The following ATXN1 variants were observed in gnomAD, a reference collection of about 807,000 sequenced individuals.
ATXN1 encodes ataxin 1.
Under a neutral mutation model 56.4 loss-of-function variants are expected in ATXN1, and 8 were observed. The ratio of observed to expected loss-of-function variants is 0.14; its 90% CI spans 0.08 to 0.26. ATXN1 has a LOEUF of 0.26. Ranked by LOEUF, ATXN1 falls within the 10% of genes least tolerant of loss-of-function variation. ATXN1 has a pLI of 1.00. For missense variants in ATXN1, 987 were observed against 1,106.5 expected (o/e 0.89, Z 1.53); for synonymous variants, 514 against 494.6 (o/e 1.04, Z -0.52).
chr6:16,745,442 T>C (rs1288719204), intron 2 of ATXN1, among the ~76,000 whole-genome samples: 1 of 152,188 alleles, frequency 6.6e-6, no homozygotes, highest in Non-Finnish European at 1.5e-5. Flanking sequence ...TTACTAAGAA[T>C]GTTTATGCTA....
chr6:16,327,597 G>T lies in ATXN1; in HGVS notation c.714C>A (p.Ser238=), dbSNP rs571270274. The change falls in exon 7 of 8, where the codon TCC becomes TCA. Residue 238 remains serine (S), a synonymous_variant. Coordinates refer to ENST00000436367, the MANE Select transcript of ATXN1 (RefSeq NM_001128164.2). ...ACTGGTTCTGCTGGGCTGGTGGGGGGGACCCCGGGGTGATGAGCCCCGGAG... is the reference window on the plus strand; with the variant it reads ...ACTGGTTCTGCTGGGCTGGTGGGGGTGACCCCGGGGTGATGAGCCCCGGAG... ...SRAPGLITPG[S]PPPAQQNQYV... The T allele has an allele frequency of 4.4e-6, 7 of 1,593,670 alleles. No individual in the cohort carries two copies. The highest frequency in any genetic ancestry group is 6.0e-6 in the Non-Finnish European group (7 of 1,171,078).
intron 3 of ATXN1, among the ~76,000 whole-genome samples, chr6:16,636,106 C>T (rs1284806494): frequency 2.2e-4 from 34 of 152,172 alleles, no homozygotes; most frequent in Non-Finnish European, 5.9e-5. Flanking sequence ...ACCTGCCTCC[C>T]TTACATCATT....
intron 2 of ATXN1, among the ~76,000 whole-genome samples, chr6:16,674,336 CTTTTTTTTTTTTT>C (rs869081370): frequency 1.0e-4 from 8 of 78,114 alleles, no homozygotes; most frequent in South Asian, 4.8e-4. Context: ...AGAGAACTTT[CTTTTTTTTTTTTT>C]TTTTTTTTTT....
intron 6 of ATXN1, among the ~76,000 whole-genome samples, chr6:16,365,865 T>G (rs573143610): frequency 2.4e-4 from 36 of 152,370 alleles, no homozygotes; most frequent in African/African-American, 8.2e-4. Flanking sequence ...TGTCTACATC[T>G]ATATATTAAT....
intron 6 of ATXN1, among the ~76,000 whole-genome samples, chr6:16,446,877 G>A (rs1031133450): frequency 1.3e-5 from 2 of 152,224 alleles, no homozygotes; most frequent in Non-Finnish European, 2.9e-5. Context: ...TAACATGGAT[G>A]AAGCTACAGA....
intron 6 of ATXN1, among the ~76,000 whole-genome samples, chr6:16,431,368 T>A (rs1053069700): frequency 4.6e-5 from 7 of 152,318 alleles, no homozygotes; most frequent in African/African-American, 1.7e-4. Flanking sequence ...ATTTTTAAAC[T>A]CGAGTGCAGA....
intron 6 of ATXN1, among the ~76,000 whole-genome samples, chr6:16,331,711 G>T (rs1760997410): frequency 6.6e-6 from 1 of 152,202 alleles, no homozygotes. Flanking sequence ...CAAGTAAAAT[G>T]TCAAACACAT....
chr6:16,323,241 C>CT (rs760196384), intron 7 of ATXN1, among the ~76,000 whole-genome samples: 2 of 152,152 alleles, frequency 1.3e-5, no homozygotes, highest in African/African-American at 2.4e-5. Context: ...CTGTAAGGGG[C>CT]TGGGCGCAGT....
At chr6:16,371,313 A>ATTT (rs59728940) in intron 6 of ATXN1, among the ~76,000 whole-genome samples, 15 of 144,008 alleles carry the variant, frequency 1.0e-4, no homozygotes, top group African/African-American at 3.8e-4. Flanking sequence ...TGTAGTTACA[A>ATTT]TTTTTTTTTT....
chr6:16,352,129 G>A (rs963799901), intron 6 of ATXN1, among the ~76,000 whole-genome samples: 10 of 152,026 alleles, frequency 6.6e-5, no homozygotes, highest in African/African-American at 2.2e-4. Context: ...CTATAGTTTC[G>A]CGAATAATAT....
At chr6:16,505,523 A>T (rs1419294941) in intron 5 of ATXN1, among the ~76,000 whole-genome samples, 3 of 152,208 alleles carry the variant, frequency 2.0e-5, no homozygotes, top group African/African-American at 7.2e-5. Context: ...ACTAAAATAG[A>T]AAGTTAAATA....
intron 4 of ATXN1, among the ~76,000 whole-genome samples, chr6:16,553,070 G>A (rs935263279): frequency 1.1e-4 from 16 of 152,232 alleles, no homozygotes; most frequent in Non-Finnish European, 1.8e-4. Flanking sequence ...TTCAGGCTAT[G>A]CGCCTCTAGG....
Position 16,600,649 on chromosome 6 carries a change from C to CT in ATXN1, c.-488-14743dup, listed in dbSNP as rs1209547151. Among the ~76,000 whole-genome samples the CT allele has an allele frequency of 3.9e-5, 6 of 152,290 alleles. No homozygotes were observed. In the East Asian group the frequency reaches 1.2e-3, roughly 29 times the overall value. ...TTAAGGACAGCAAATTAAAAAATTG[C>CT]TATCTACAAGCTGCCACTATTTTAT... On this transcript the variant is annotated intron_variant, in intron 3 of 7. Coordinates refer to ENST00000436367, the MANE Select transcript of ATXN1 (RefSeq NM_001128164.2).
rs540804893 is a variant in ATXN1 at position 16,301,914 on chromosome 6, T to C, written c.*4415A>G. ...AATAGGTTTCCTTAGTAGTCACAGATGTTAAAGGGTATTGTCAATCGTTTC... is the reference window on the plus strand; with the variant it reads ...AATAGGTTTCCTTAGTAGTCACAGACGTTAAAGGGTATTGTCAATCGTTTC... On this transcript the variant is annotated 3_prime_UTR_variant, in exon 8 of 8. Transcript: ENST00000436367. 12 of 152,856 alleles carry C rather than the reference T, an allele frequency of 7.9e-5. No individual in the cohort carries two copies. The highest frequency in any genetic ancestry group is 2.6e-4 in the African/African-American group (11 of 41,574). The allele number at this position is 152,856 out of a possible 1,614,324, so 9.5% of individuals were successfully genotyped here. A position where few individuals can be genotyped will look rare whatever the true frequency, so the allele number is the denominator to read the frequency against.
intron 3 of ATXN1, among the ~76,000 whole-genome samples, chr6:16,601,824 G>A (rs1054468706): frequency 2.0e-5 from 3 of 152,170 alleles, no homozygotes; most frequent in African/African-American, 7.2e-5. Context: ...CTGCATTCCA[G>A]CCTGGATGAC....
intron 6 of ATXN1, among the ~76,000 whole-genome samples, chr6:16,386,645 AC>A (rs1758248755): frequency 3.3e-5 from 5 of 152,144 alleles, no homozygotes; most frequent in Admixed American, 3.3e-4. Context: ...GGTCTCTGAC[AC>A]TGATAACAGG....
chr6:16,316,789 TTC>T, intron 7 of ATXN1, among the ~76,000 whole-genome samples: 1 of 151,182 alleles, frequency 6.6e-6, no homozygotes, highest in East Asian at 1.9e-4. Context: ...GAAAGAATAG[TTC>T]TGTTTGCCTT....
At chr6:16,608,471 G>A (rs1200007847) in intron 3 of ATXN1, among the ~76,000 whole-genome samples, 2 of 152,200 alleles carry the variant, frequency 1.3e-5, no homozygotes, top group South Asian at 2.1e-4. Flanking sequence ...TCAAAGACGT[G>A]TGACACTATT....
intron 6 of ATXN1, among the ~76,000 whole-genome samples, chr6:16,445,447 TG>T (rs1490168963): frequency 2.0e-5 from 3 of 152,068 alleles, no homozygotes; most frequent in African/African-American, 7.3e-5. Context: ...TGCTGCTGAA[TG>T]GGGTGGTGGG....
Sources: allele counts gnomAD v4.1 joint callset (sites outside exome capture counted in the v4.1 genomes callset), GRCh38; gene constraint gnomAD v4.1.1; transcripts MANE v1.5; gene names NCBI Gene and HGNC (gene_info 2026-07-23, HGNC 2026-07-21).